Variants in ABHD17B observed in about 807,000 individuals in gnomAD.
ABHD17B encodes the protein alpha/beta hydrolase domain-containing protein 17B.
In ABHD17B, 9 loss-of-function variants were observed where a neutral mutation model predicts 26.2. The ratio of observed to expected loss-of-function variants is 0.34; its 90% CI spans 0.21 to 0.60. The LOEUF (loss-of-function observed/expected upper bound fraction) is 0.60. Ranked by LOEUF, ABHD17B falls within the 20% of genes least tolerant of loss-of-function variation. ABHD17B has a pLI of 0.80. For synonymous variants in ABHD17B, 127 were observed against 122.3 expected (o/e 1.04, Z -0.25); for missense variants, 224 against 352.1 (o/e 0.64, Z 2.91).
chr9:71,903,269 C>T (rs984369351), intron 1 of ABHD17B, among the ~76,000 whole-genome samples: 1 of 151,896 alleles, frequency 6.6e-6, no homozygotes, highest in Non-Finnish European at 1.5e-5. Flanking sequence ...CTAACATCAC[C>T]TCAGACACTA....
chr9:71,885,922 T>C lies in ABHD17B; in HGVS notation c.-3-10839A>G, dbSNP rs181236738. ...AGATTTTTGTTGTACTGAACTAGCA[T>C]TAAAAGTCTTTAAAAGCAGGTTTAG... On this transcript the variant is annotated intron_variant, in intron 1 of 3. Coordinates refer to ENST00000333421, the MANE Select transcript of ABHD17B (RefSeq NM_001025780.3). Among the ~76,000 whole-genome samples, 261 of 152,342 alleles carry C rather than the reference T, an allele frequency of 1.7e-3. 4 individuals are homozygous for C. Among genetic ancestry groups the C allele is most frequent in the South Asian group, 6.2e-3 (30 of 4,830 alleles).
chr9:71,896,660 T>C (rs1826965568), intron 1 of ABHD17B, among the ~76,000 whole-genome samples: 1 of 147,500 alleles, frequency 6.8e-6, no homozygotes, highest in Non-Finnish European at 1.5e-5. Flanking sequence ...TATGTATATA[T>C]ACAGTTCTAT....
chr9:71,870,758 G>A (rs1826088246), intron 2 of ABHD17B, among the ~76,000 whole-genome samples: 1 of 152,160 alleles, frequency 6.6e-6, no homozygotes, highest in African/African-American at 2.4e-5. Context: ...ATGAATATAT[G>A]TATGGTTTTA....
chr9:71,873,930 A>G (rs1190727292), intron 2 of ABHD17B, among the ~76,000 whole-genome samples: 1 of 152,358 alleles, frequency 6.6e-6, no homozygotes, highest in East Asian at 1.9e-4. Flanking sequence ...CTTGAAAAAT[A>G]ATTCCAATAA....
At chr9:71,898,732 T>C (rs1490863029) in intron 1 of ABHD17B, among the ~76,000 whole-genome samples, 1 of 151,936 alleles carries the variant, frequency 6.6e-6, no homozygotes, top group Non-Finnish European at 1.5e-5. Context: ...GAGTGGTGGC[T>C]CCCACCTGCA....
chr9:71,870,267 A>G lies in ABHD17B; in HGVS notation c.468-5T>C. ...TTTTCAGGGCGAATGCCATATCTAC[A>G]AAGTTCAGGCGTTAAAAACAAAAAC... On this transcript the variant is annotated splice_polypyrimidine_tract_variant and splice_region_variant and intron_variant, in intron 2 of 3. Coordinates refer to ENST00000333421, the MANE Select transcript of ABHD17B (RefSeq NM_001025780.3). 1 of 1,579,872 alleles carries G rather than the reference A, an allele frequency of 6.3e-7. No individual in the cohort carries two copies.
intron 1 of ABHD17B, among the ~76,000 whole-genome samples, chr9:71,875,318 C>T (rs1365496958): frequency 6.6e-6 from 1 of 151,918 alleles, no homozygotes; most frequent in Non-Finnish European, 1.5e-5. Flanking sequence ...CTACGCCTCC[C>T]GGGTTCAAGT....
intron 1 of ABHD17B, among the ~76,000 whole-genome samples, chr9:71,879,575 G>A (rs1194793278): frequency 6.6e-6 from 1 of 152,120 alleles, no homozygotes; most frequent in Non-Finnish European, 1.5e-5. Flanking sequence ...AAATATTAGT[G>A]TCCAACTTAA....
chr9:71,864,936 C>T (rs539157131), downstream of ABHD17B, among the ~76,000 whole-genome samples: 46 of 152,036 alleles, frequency 3.0e-4, no homozygotes, highest in African/African-American at 1.0e-3. Context: ...CCCAGGTAAT[C>T]AAAGAAAACA....
chr9:71,875,808 T>C (rs1439413283), intron 1 of ABHD17B, among the ~76,000 whole-genome samples: 1 of 152,214 alleles, frequency 6.6e-6, no homozygotes. Flanking sequence ...TACATACTAA[T>C]AGCATTTATG....
At chr9:71,863,775 A>T (rs1001816272), downstream of ABHD17B, among the ~76,000 whole-genome samples, 15 of 152,208 alleles carry the variant, frequency 9.9e-5, no homozygotes, top group Non-Finnish European at 2.2e-4. Context: ...GCCAGATAAA[A>T]TACATTGTAC....
At chr9:71,863,853 C>G (rs1020901270), downstream of ABHD17B, among the ~76,000 whole-genome samples, 5 of 152,158 alleles carry the variant, frequency 3.3e-5, no homozygotes, top group Non-Finnish European at 7.4e-5. Flanking sequence ...TTGGGAGTTT[C>G]AGTTTACGGT....
Position 71,893,015 on chromosome 9 carries a change from G to C in ABHD17B, c.-4+17619C>G, listed in dbSNP as rs796686291. ...TGACTATTCTAAGTACCTCATACAA[G>C]TGGAATTATACAATATTTGTCCTTT... On this transcript the variant is annotated intron_variant, in intron 1 of 3. Transcript: ENST00000333421. 3.9e-5 allele frequency among the ~76,000 whole-genome samples: 6 copies of C among 152,258 alleles called. 1 individual carries two copies. The highest frequency in any genetic ancestry group is 1.4e-4 in the African/African-American group (6 of 41,556).
intron 3 of ABHD17B, among the ~76,000 whole-genome samples, chr9:71,867,434 C>G (rs1479459601): frequency 6.6e-6 from 1 of 151,986 alleles, no homozygotes; most frequent in Non-Finnish European, 1.5e-5. Flanking sequence ...TGTTTTTGTT[C>G]TTGTTTGAGG....
intron 1 of ABHD17B, among the ~76,000 whole-genome samples, chr9:71,908,360 C>T (rs1338665532): frequency 6.7e-6 from 1 of 148,814 alleles, no homozygotes; most frequent in Non-Finnish European, 1.5e-5. Context: ...CCATTGCACG[C>T]CAGCCTGGGC....
intron 2 of ABHD17B, among the ~76,000 whole-genome samples, 197 bp downstream of exon 2, chr9:71,874,415 CTG>C: frequency 6.6e-6 from 1 of 152,170 alleles, no homozygotes; most frequent in East Asian, 1.9e-4. Context: ...AAACCTGAAA[CTG>C]TCTTTAAAAA....
At chr9:71,867,828 T>C (rs188909440) in intron 3 of ABHD17B, among the ~76,000 whole-genome samples, 141 of 152,260 alleles carry the variant, frequency 9.3e-4, no homozygotes, top group Admixed American at 3.3e-3. Flanking sequence ...TACATTTACA[T>C]ACTGGCTACT....
chr9:71,865,098 TCA>T, downstream of ABHD17B: 1 of 949,262 alleles, frequency 1.1e-6, no homozygotes, highest in Non-Finnish European at 1.3e-6. Flanking sequence ...TAATTTTTTT[TCA>T]CTCTTTCTAG....
At chr9:71,874,348 G>C (rs987949802) in intron 2 of ABHD17B, among the ~76,000 whole-genome samples, 7 of 151,770 alleles carry the variant, frequency 4.6e-5, no homozygotes, top group Non-Finnish European at 1.0e-4. Flanking sequence ...TGGACTTCCA[G>C]CTAAGAATTT....
Sources: allele counts gnomAD v4.1 joint callset (sites outside exome capture counted in the v4.1 genomes callset), GRCh38; gene constraint gnomAD v4.1.1; transcripts MANE v1.5; gene names NCBI Gene and HGNC (gene_info 2026-07-23, HGNC 2026-07-21).